HOMER1: variants seen among roughly 807,000 people sequenced by gnomAD.
HOMER1 encodes the protein homer protein homolog 1.
Under a neutral mutation model 48.9 loss-of-function variants are expected in HOMER1, and 3 were observed. The observed-to-expected ratio is 0.06, with a 90% confidence interval of 0.03 to 0.16. The LOEUF (loss-of-function observed/expected upper bound fraction) is 0.16, where lower values mean the gene tolerates loss of function less well. Among genes scored for constraint, HOMER1 ranks in the 10% least tolerant of loss-of-function variants. The pLI is 1.00. For missense variants in HOMER1, 247 were observed against 411.4 expected (o/e 0.60, Z 3.46); for synonymous variants, 134 against 146.4 (o/e 0.92, Z 0.61).
At chr5:79,458,466 G>A (rs894235346) in intron 1 of HOMER1, among the ~76,000 whole-genome samples, 4 of 151,934 alleles carry the variant, frequency 2.6e-5, no homozygotes, top group African/African-American at 9.7e-5. Flanking sequence ...GAAAGGAAGA[G>A]TAAATATGGA....
chr5:79,387,182 C>T (rs1749140872), intron 8 of HOMER1, among the ~76,000 whole-genome samples: 1 of 151,840 alleles, frequency 6.6e-6, no homozygotes, highest in South Asian at 2.1e-4. Context: ...CCCAGACGTG[C>T]AGTGGTGCAA....
chr5:79,456,771 A>G, intron 2 of HOMER1, 91 bp downstream of exon 2: 1 of 1,086,102 alleles, frequency 9.2e-7, no homozygotes, highest in Non-Finnish European at 1.3e-6. Flanking sequence ...AACATTTTAT[A>G]TTAATGAAGA....
At chr5:79,470,104 T>G (rs1410684379) in intron 1 of HOMER1, among the ~76,000 whole-genome samples, 1 of 152,078 alleles carries the variant, frequency 6.6e-6, no homozygotes, top group Non-Finnish European at 1.5e-5. Context: ...GAAAGTGAAT[T>G]TTATTAGAGG....
rs1303263430 is a variant in HOMER1, at chr5:79,374,228, A to C, written c.*1781T>G. The C allele has an allele frequency of 6.6e-6, 1 of 152,450 alleles. No individual in the cohort carries two copies. The highest frequency in any genetic ancestry group is 1.5e-5 in the Non-Finnish European group (1 of 67,868). 9.4% of individuals were successfully genotyped at this position (152,450 alleles called of 1,614,324 possible). ...ATCTCAGCTCTGAGCATGTGTATCT[A>C]AATTATTCTCCCTATAATATATAGG... On this transcript the variant is annotated 3_prime_UTR_variant, in exon 9 of 9. Coordinates refer to ENST00000334082, the MANE Select transcript of HOMER1 (RefSeq NM_004272.5).
intron 1 of HOMER1, among the ~76,000 whole-genome samples, chr5:79,511,140 C>T (rs927270583): frequency 1.3e-5 from 2 of 152,186 alleles, no homozygotes; most frequent in Non-Finnish European, 2.9e-5. Context: ...AAAATGCAGC[C>T]ATCAACATGA....
At chr5:79,423,207 G>T (rs560362929) in intron 5 of HOMER1, among the ~76,000 whole-genome samples, 358 of 152,224 alleles carry the variant, frequency 2.4e-3, no homozygotes, top group African/African-American at 8.3e-3. Flanking sequence ...GTGTTTCAAA[G>T]AGAGCCACTA....
intron 1 of HOMER1, among the ~76,000 whole-genome samples, chr5:79,486,097 T>A (rs1752093431): frequency 6.6e-6 from 1 of 152,128 alleles, no homozygotes; most frequent in South Asian, 2.1e-4. Context: ...TCAAGAGGAA[T>A]CAAGACCTCC....
intron 1 of HOMER1, among the ~76,000 whole-genome samples, chr5:79,479,062 T>C (rs1360864582): frequency 1.3e-5 from 2 of 152,218 alleles, no homozygotes; most frequent in Admixed American, 6.5e-5. Flanking sequence ...GTTTTTCTTC[T>C]GAATCATCAC....
chr5:79,426,356 T>C (rs116290250), intron 5 of HOMER1, among the ~76,000 whole-genome samples: 4,876 of 152,186 alleles, frequency 0.032, 239 homozygotes, highest in African/African-American at 0.11. Context: ...AGTCAAGACA[T>C]AGAATCAACC....
intron 1 of HOMER1, among the ~76,000 whole-genome samples, chr5:79,468,995 T>C (rs1301479746): frequency 6.6e-6 from 1 of 152,200 alleles, no homozygotes; most frequent in Admixed American, 6.5e-5. Context: ...TAAAACCTTA[T>C]TTTAGCTCCA....
intron 1 of HOMER1, among the ~76,000 whole-genome samples, chr5:79,501,218 G>A (rs1752579306): frequency 6.6e-6 from 1 of 152,076 alleles, no homozygotes; most frequent in African/African-American, 2.4e-5. Flanking sequence ...CCATCTGCCT[G>A]CCTGGGCCTC....
Position 79,440,678 on chromosome 5 carries a change from G to A in HOMER1, c.388-1529C>T, listed in dbSNP as rs150420217. ...AGTGACTACTTCTAGGTCAGTTATG[G>A]ACCATATTAATTAGTCAGAAAAAAT... On this transcript the variant is annotated intron_variant, in intron 4 of 8. Transcript: ENST00000334082. 4.1e-4 allele frequency among the ~76,000 whole-genome samples: 63 copies of A among 152,196 alleles called. No homozygotes were observed. The East Asian group carries it at 0.012, about 28-fold the overall frequency.
intron 4 of HOMER1, among the ~76,000 whole-genome samples, chr5:79,446,253 G>A (rs1301836023): frequency 6.6e-6 from 1 of 152,118 alleles, no homozygotes. Context: ...CACCCCTACA[G>A]TTTAGAGCCC....
chr5:79,442,970 T>C (rs1053114990), intron 4 of HOMER1, among the ~76,000 whole-genome samples: 7 of 152,328 alleles, frequency 4.6e-5, no homozygotes, highest in African/African-American at 1.2e-4. Context: ...AATCTGACTT[T>C]CTGGATTAAT....
At chr5:79,409,935 G>A (rs1749770908) in intron 5 of HOMER1, among the ~76,000 whole-genome samples, 1 of 152,196 alleles carries the variant, frequency 6.6e-6, no homozygotes, top group Non-Finnish European at 1.5e-5. Context: ...GTAAAATGGT[G>A]TAGCTGCTGT....
chr5:79,397,546 G>T lies in HOMER1; in HGVS notation c.776C>A (p.Thr259Lys), dbSNP rs766964771. ...AAATACCTCTTCCTTCAGTTTCAGTGTCTCTTCCAGTTCTTGTATTGTCTG... is the reference window on the plus strand; with the variant it reads ...AAATACCTCTTCCTTCAGTTTCAGTTTCTCTTCCAGTTCTTGTATTGTCTG... ...LNQTIQELEE[T>K]LKLKEEEIER... is the part of the protein sequence containing the mutation. The change falls in exon 7 of 9, where the codon ACA (threonine) becomes AAA (lysine). Residue 259 changes from threonine (T) to lysine (K), a missense_variant. By Grantham distance (78) the Thr-to-Lys change is moderately conservative (BLOSUM62 -1). Around this residue, in one of 4 missense-constraint regions of HOMER1, gnomAD observed 113 missense variants for 152.5 expected, o/e 0.74. Coordinates refer to ENST00000334082, the MANE Select transcript of HOMER1 (RefSeq NM_004272.5). 3 of 1,597,954 alleles carry T rather than the reference G, an allele frequency of 1.9e-6. No homozygotes were observed. Among genetic ancestry groups the T allele is most frequent in the Admixed American group, 3.4e-5 (2 of 59,274 alleles).
intron 8 of HOMER1, among the ~76,000 whole-genome samples, chr5:79,391,416 C>T (rs1749247380): frequency 6.6e-6 from 1 of 151,624 alleles, no homozygotes; most frequent in South Asian, 2.1e-4. Flanking sequence ...AGGTGTGAAC[C>T]ACCGCGCCTG....
intron 8 of HOMER1, among the ~76,000 whole-genome samples, chr5:79,391,126 T>C (rs919877134): frequency 7.6e-6 from 1 of 132,338 alleles, no homozygotes; most frequent in Non-Finnish European, 1.5e-5. Flanking sequence ...ATCAAAATTT[T>C]GTGGGTTTTT....
chr5:79,511,979 C>A (rs772188268), intron 1 of HOMER1, among the ~76,000 whole-genome samples: 4 of 152,202 alleles, frequency 2.6e-5, no homozygotes, highest in Non-Finnish European at 5.9e-5. Context: ...TTATGGGTTT[C>A]CAGCTTAAAT....
Sources: gnomAD v4.1 joint callset for allele counts (sites outside exome capture counted in the v4.1 genomes callset) on GRCh38, gnomAD v4.1.1 for gene constraint, gnomAD v4.1.1 regional missense constraint, MANE v1.5 for transcripts, NCBI Gene and HGNC (gene_info 2026-07-23, HGNC 2026-07-21) for gene names.